Variants in SCEL observed in about 807,000 individuals in gnomAD.
SCEL encodes the protein sciellin.
In SCEL, 113 loss-of-function variants were observed where a neutral mutation model predicts 117.6. That is an observed-to-expected ratio of 0.96 (90% confidence interval 0.83 to 1.12). The LOEUF is 1.12. Among genes scored for constraint, SCEL ranks in the 50% most tolerant of loss-of-function variants. The pLI is 0.00. For synonymous variants in SCEL, 270 were observed against 256.2 expected, an observed-to-expected ratio of 1.05 and a Z score of -0.51; for missense variants, 785 against 810.8, an observed-to-expected ratio of 0.97 and a Z score of 0.39.
rs971388850 is a variant in SCEL, at chr13:77,615,115, A to C, written c.1451+1160A>C. 2.4e-4 allele frequency among the ~76,000 whole-genome samples: 37 copies of C among 152,166 alleles called. 1 individual carries two copies. On this transcript the variant is annotated intron_variant, in intron 24 of 32. Transcript: ENST00000349847. ...TTGTCCATGAGTTGCATTCTTAAAAAGGAGACATATTGAAGAGCTAATTAA... is the reference window on the plus strand; with the variant it reads ...TTGTCCATGAGTTGCATTCTTAAAACGGAGACATATTGAAGAGCTAATTAA...
intron 1 of SCEL, among the ~76,000 whole-genome samples, chr13:77,544,320 T>C (rs1593868141): frequency 6.6e-6 from 1 of 152,334 alleles, no homozygotes; most frequent in Non-Finnish European, 1.5e-5. Flanking sequence ...CTTTAACCAA[T>C]TTTAGTTTCT....
At chr13:77,585,742 C>A (rs180745495) in intron 9 of SCEL, among the ~76,000 whole-genome samples, 1 of 152,224 alleles carries the variant, frequency 6.6e-6, no homozygotes, top group African/African-American at 2.4e-5. Flanking sequence ...CCTCCCTGAA[C>A]CTGACCCAAC....
chr13:77,632,470 T>C (rs930200693), intron 28 of SCEL, among the ~76,000 whole-genome samples: 1 of 152,222 alleles, frequency 6.6e-6, no homozygotes, highest in Admixed American at 6.5e-5. Context: ...TAATATTAAT[T>C]CCACCTTCTC....
At chr13:77,616,585 A>G (rs1412224507) in intron 24 of SCEL, among the ~76,000 whole-genome samples, 1 of 152,022 alleles carries the variant, frequency 6.6e-6, no homozygotes, top group East Asian at 1.9e-4. Context: ...TCCATAGACT[A>G]TGGAGAGGTG....
intron 9 of SCEL, among the ~76,000 whole-genome samples, chr13:77,583,461 G>A (rs1482734321): frequency 2.0e-5 from 3 of 152,156 alleles, no homozygotes; most frequent in African/African-American, 7.2e-5. Context: ...CGAAGGCATG[G>A]ACTACATCTT....
chr13:77,579,186 C>T (rs2154398572), intron 9 of SCEL, among the ~76,000 whole-genome samples: 1 of 152,258 alleles, frequency 6.6e-6, no homozygotes, highest in Middle Eastern at 3.4e-3. Flanking sequence ...TAAGGTGTTA[C>T]TTTTGTCATC....
intron 27 of SCEL, among the ~76,000 whole-genome samples, chr13:77,625,738 T>C (rs2089696877): frequency 6.6e-6 from 1 of 152,190 alleles, no homozygotes; most frequent in South Asian, 2.1e-4. Flanking sequence ...CACATAAACA[T>C]GAGAACATTT....
intron 22 of SCEL, among the ~76,000 whole-genome samples, chr13:77,611,075 T>C (rs578248670): frequency 9.5e-4 from 144 of 152,332 alleles, no homozygotes; most frequent in African/African-American, 3.2e-3. Context: ...TTTTACAGTA[T>C]GTGGCTATCA....
At chr13:77,599,028 C>T (rs1452214995) in intron 13 of SCEL, among the ~76,000 whole-genome samples, 1 of 152,104 alleles carries the variant, frequency 6.6e-6, no homozygotes, top group African/African-American at 2.4e-5. Flanking sequence ...GTAACATGGG[C>T]TCACTTTAAA....
At chr13:77,556,053 G>T in intron 2 of SCEL, 135 bp downstream of exon 2, 2 of 552,638 alleles carry the variant, frequency 3.6e-6, no homozygotes, top group South Asian at 3.5e-5. Context: ...GCAAAGTTAG[G>T]CTTAAGAAAA....
chr13:77,567,467 A>C (rs1466609675), intron 5 of SCEL, among the ~76,000 whole-genome samples: 1 of 152,186 alleles, frequency 6.6e-6, no homozygotes, highest in East Asian at 1.9e-4. Flanking sequence ...AAATAAAATA[A>C]AATTTCAAAC....
intron 9 of SCEL, among the ~76,000 whole-genome samples, chr13:77,586,850 T>G (rs530991008): frequency 2.6e-5 from 4 of 152,296 alleles, no homozygotes; most frequent in African/African-American, 9.6e-5. Flanking sequence ...TTTATCTTTA[T>G]GTTCTGTGCT....
At chr13:77,535,903 A>C (rs1012774132) in intron 1 of SCEL, 79 bp downstream of exon 1, 5 of 152,268 alleles carry the variant, frequency 3.3e-5, no homozygotes, top group Non-Finnish European at 5.9e-5. Context: ...ACAAATGATT[A>C]AAATTAGAAC....
At chr13:77,642,835 C>A (rs755594121) in intron 32 of SCEL, 27 bp downstream of exon 32, 3 of 1,309,740 alleles carry the variant, frequency 2.3e-6, no homozygotes, top group Non-Finnish European at 2.1e-6. Flanking sequence ...AAGCATTTAA[C>A]ACTTTGGTTA....
chr13:77,574,929 G>C (rs141201202), intron 9 of SCEL, among the ~76,000 whole-genome samples: 1,922 of 151,994 alleles, frequency 0.013, 44 homozygotes, highest in Non-Finnish European at 0.018. Context: ...CACTTTTTCT[G>C]TTCTTAATTT....
At chr13:77,597,056 G>T (rs118171863) in intron 12 of SCEL, 1,923 of 152,574 alleles carry the variant, frequency 0.013, 43 homozygotes, top group Non-Finnish European at 0.018. Context: ...AGCTACGTGT[G>T]CAAGTACATT....
intron 9 of SCEL, among the ~76,000 whole-genome samples, chr13:77,572,927 T>C (rs1293543768): frequency 6.6e-6 from 1 of 152,130 alleles, no homozygotes; most frequent in Non-Finnish European, 1.5e-5. Context: ...CAGACAGGGG[T>C]TCCAATGTGG....
At chr13:77,556,105 A>G (rs1024406571) in intron 2 of SCEL, among the ~76,000 whole-genome samples, 187 bp downstream of exon 2, 35 of 152,332 alleles carry the variant, frequency 2.3e-4, no homozygotes, top group African/African-American at 8.4e-4. Context: ...TTGGAATTCA[A>G]TTTTTTTAAA....
At chr13:77,616,742 CT>C (rs35205050) in intron 24 of SCEL, among the ~76,000 whole-genome samples, 73,886 of 133,408 alleles carry the variant, frequency 0.55, 19,704 homozygotes, top group East Asian at 0.68. Context: ...AACTTGCATC[CT>C]TTTTTTTTTT....
Sources: gnomAD v4.1 joint callset for allele counts (sites outside exome capture counted in the v4.1 genomes callset) on GRCh38, gnomAD v4.1.1 for gene constraint, MANE v1.5 for transcripts, NCBI Gene and HGNC (gene_info 2026-07-23, HGNC 2026-07-21) for gene names.